CDH18: variants seen among roughly 807,000 people sequenced by gnomAD.
CDH18 encodes cadherin-18.
In CDH18, 31 loss-of-function variants were observed where a neutral mutation model predicts 67.9. That is an observed-to-expected ratio of 0.46 (90% CI 0.34 to 0.62). The LOEUF (loss-of-function observed/expected upper bound fraction) is 0.62. Ranked by LOEUF, CDH18 falls within the 20% of genes least tolerant of loss-of-function variation. The pLI is 0.01. For missense variants in CDH18, 890 were observed against 975.5 expected (o/e 0.91, Z 1.17); for synonymous variants, 362 against 347.2 (o/e 1.04, Z -0.48).
intron 2 of CDH18, among the ~76,000 whole-genome samples, chr5:19,953,373 C>T (rs368437152): frequency 1.3e-5 from 2 of 151,952 alleles, no homozygotes; most frequent in East Asian, 3.9e-4. Flanking sequence ...TAGAGTACTG[C>T]TTATTGTCTC....
chr5:19,992,309 T>C (rs776365965), upstream of CDH18, among the ~76,000 whole-genome samples: 2 of 152,106 alleles, frequency 1.3e-5, no homozygotes, highest in Non-Finnish European at 2.9e-5. Flanking sequence ...ACACACATAT[T>C]TTATTTCTGT....
chr5:19,970,618 G>T (rs1348212704), intron 2 of CDH18, among the ~76,000 whole-genome samples: 1 of 151,536 alleles, frequency 6.6e-6, no homozygotes, highest in Admixed American at 6.6e-5. Context: ...GTAAACCGAA[G>T]ACAACTATAA....
At chr5:19,947,890 G>A (rs1795430237) in intron 2 of CDH18, among the ~76,000 whole-genome samples, 1 of 152,082 alleles carries the variant, frequency 6.6e-6, no homozygotes, top group Non-Finnish European at 1.5e-5. Flanking sequence ...AAACAAAAGG[G>A]TTTTATGTAG....
At chr5:20,264,389 A>G (rs1404776871) in intron 1 of CDH18, among the ~76,000 whole-genome samples, 2 of 152,146 alleles carry the variant, frequency 1.3e-5, no homozygotes, top group African/African-American at 4.8e-5. Context: ...TCAGCAAATC[A>G]TTACAAGTTG....
At chr5:19,832,523 C>A (rs1425719379) in intron 3 of CDH18, among the ~76,000 whole-genome samples, 1 of 152,008 alleles carries the variant, frequency 6.6e-6, no homozygotes, top group Non-Finnish European at 1.5e-5. Context: ...CTCACGTTTA[C>A]AGTGATCACA....
intron 4 of CDH18, among the ~76,000 whole-genome samples, chr5:19,739,272 T>G (rs1257826235): frequency 1.3e-5 from 2 of 152,196 alleles, no homozygotes; most frequent in African/African-American, 4.8e-5. Context: ...ACAGAACTTC[T>G]GAGACTCCTC....
intron 5 of CDH18, among the ~76,000 whole-genome samples, chr5:19,667,399 ATTG>A (rs1307038521): frequency 6.6e-6 from 1 of 150,840 alleles, no homozygotes; most frequent in Non-Finnish European, 1.5e-5. Context: ...TAGATTATAT[ATTG>A]TTTTCTCCTT....
chr5:19,558,167 G>A (rs1299883774), intron 8 of CDH18, among the ~76,000 whole-genome samples: 2 of 151,954 alleles, frequency 1.3e-5, no homozygotes, highest in Non-Finnish European at 2.9e-5. Context: ...AAAGTTCACA[G>A]CATTAAATGC....
At chr5:20,349,805 A>C (rs188761746) in intron 1 of CDH18, among the ~76,000 whole-genome samples, 1 of 152,290 alleles carries the variant, frequency 6.6e-6, no homozygotes, top group Non-Finnish European at 1.5e-5. Flanking sequence ...TTAACACAGG[A>C]AAATAATGGG....
intron 2 of CDH18, among the ~76,000 whole-genome samples, chr5:19,843,445 A>C (rs1046098316): frequency 6.6e-5 from 10 of 152,156 alleles, no homozygotes; most frequent in African/African-American, 2.4e-4. Context: ...AGGTTTGGGA[A>C]ACTCCACCTA....
intron 2 of CDH18, among the ~76,000 whole-genome samples, chr5:20,171,545 C>A (rs906190654): frequency 6.6e-6 from 1 of 151,722 alleles, no homozygotes; most frequent in African/African-American, 2.4e-5. Context: ...ATGTCCTTTG[C>A]CTACTTTTTA....
chr5:19,511,553 G>A (rs1050070551), intron 10 of CDH18, among the ~76,000 whole-genome samples: 38 of 152,130 alleles, frequency 2.5e-4, no homozygotes, highest in Non-Finnish European at 1.2e-4. Flanking sequence ...GGACGGAGAT[G>A]AGGAACCTGT....
chr5:19,639,277 A>T (rs1293826337), intron 5 of CDH18, among the ~76,000 whole-genome samples: 1 of 152,040 alleles, frequency 6.6e-6, no homozygotes. Context: ...CTGGGATTAC[A>T]GGCGTGAGCC....
At chr5:20,151,418 T>G (rs1297117501) in intron 2 of CDH18, among the ~76,000 whole-genome samples, 1 of 152,184 alleles carries the variant, frequency 6.6e-6, no homozygotes, top group Non-Finnish European at 1.5e-5. Flanking sequence ...ATTCCATGTC[T>G]TTGCTATTGT....
chr5:19,773,438 C>T (rs925705848), intron 3 of CDH18, among the ~76,000 whole-genome samples: 2 of 152,084 alleles, frequency 1.3e-5, no homozygotes, highest in Non-Finnish European at 2.9e-5. Flanking sequence ...ATTTGACTTA[C>T]AAGGGGCAAG....
intron 12 of CDH18, among the ~76,000 whole-genome samples, chr5:19,479,524 T>C (rs1295734978): frequency 6.6e-6 from 1 of 152,166 alleles, no homozygotes; most frequent in Non-Finnish European, 1.5e-5. Context: ...TGCATTATAA[T>C]ATATAATTGT....
intron 5 of CDH18, among the ~76,000 whole-genome samples, chr5:19,656,773 T>A (rs2150294663): frequency 6.6e-6 from 1 of 152,224 alleles, no homozygotes; most frequent in South Asian, 2.1e-4. Context: ...TGTATGTTTG[T>A]GAAGTACTAA....
intron 1 of CDH18, among the ~76,000 whole-genome samples, chr5:20,273,306 G>C (rs1325228574): frequency 2.0e-5 from 3 of 151,860 alleles, no homozygotes; most frequent in Admixed American, 1.3e-4. Flanking sequence ...TTGTGGGTTT[G>C]TTATAATTAT....
At chr5:20,469,007 G>T (rs1432367087) in intron 1 of CDH18, among the ~76,000 whole-genome samples, 6 of 152,108 alleles carry the variant, frequency 3.9e-5, no homozygotes, top group African/African-American at 1.4e-4. Flanking sequence ...CTATGTCCTC[G>T]GCTGAAGTCA....
Sources: allele counts gnomAD v4.1 joint callset (sites outside exome capture counted in the v4.1 genomes callset), GRCh38; gene constraint gnomAD v4.1.1; transcripts MANE v1.5; gene names NCBI Gene and HGNC (gene_info 2026-07-23, HGNC 2026-07-21).